Variants in RANBP2 observed in about 807,000 individuals in gnomAD.
RANBP2 encodes E3 SUMO-protein ligase RanBP2.
RANBP2 carries 57 observed loss-of-function variants against 303.6 expected under a neutral mutation model. The observed-to-expected ratio is 0.19, with a 90% CI of 0.15 to 0.23. The LOEUF (loss-of-function observed/expected upper bound fraction) is 0.23, where lower values mean the gene tolerates loss of function less well. Ranked by LOEUF, RANBP2 falls within the 10% of genes least tolerant of loss-of-function variation. The pLI, the probability that RANBP2 is intolerant of heterozygous loss-of-function variation, is 1.00. For missense variants in RANBP2, 3,138 were observed against 3,780.8 expected, an observed-to-expected ratio of 0.83 and a Z score of 4.46; for synonymous variants, 1,167 against 1,301.5, an observed-to-expected ratio of 0.90 and a Z score of 2.23.
At chr2:109,057,057 T>C in the RANBP2 span, among the ~76,000 whole-genome samples, 1 of 152,246 alleles carries the variant, frequency 6.6e-6, no homozygotes, top group South Asian at 2.1e-4. Context: ...GTGTCTTTGA[T>C]ATTACCCAGT....
At chr2:109,387,814 GCCCAATTCCACCTT>G in the RANBP2 span, among the ~76,000 whole-genome samples, 1 of 152,072 alleles carries the variant, frequency 6.6e-6, no homozygotes, top group African/African-American at 2.4e-5. Flanking sequence ...TGCAGTAGGT[GCCCAATTCCACCTT>G]CTTCTTCCAA....
the RANBP2 span, among the ~76,000 whole-genome samples, chr2:109,364,632 T>C: frequency 1.3e-5 from 2 of 152,244 alleles, no homozygotes; most frequent in African/African-American, 2.4e-5. Context: ...AAATGTTCTA[T>C]AGTCCTGGGA....
chr2:109,444,229 G>C, the RANBP2 span, among the ~76,000 whole-genome samples: 1 of 152,162 alleles, frequency 6.6e-6, no homozygotes, highest in Admixed American at 6.5e-5. Flanking sequence ...CAGTGAACTT[G>C]GGAAGCTAAC....
At chr2:108,721,824 G>A (rs186415133) in intron 1 of RANBP2, among the ~76,000 whole-genome samples, 1,928 of 152,130 alleles carry the variant, frequency 0.013, 51 homozygotes, top group African/African-American at 0.045. Flanking sequence ...TCACTGCAGC[G>A]TTGACGTCCT....
intron 17 of RANBP2, among the ~76,000 whole-genome samples, chr2:108,755,737 G>C (rs913126443): frequency 4.6e-5 from 7 of 151,798 alleles, no homozygotes; most frequent in African/African-American, 1.2e-4. Flanking sequence ...GTTTTGTTTT[G>C]TTTTGAGATG....
chr2:109,615,347 G>T, the RANBP2 span: 3 of 1,612,488 alleles, frequency 1.9e-6, no homozygotes, highest in Non-Finnish European at 2.5e-6. Flanking sequence ...TGGAGGGCTT[G>T]CTCACCTGCG....
At chr2:109,388,965 C>G in the RANBP2 span, among the ~76,000 whole-genome samples, 16 of 152,164 alleles carry the variant, frequency 1.1e-4, no homozygotes, top group Non-Finnish European at 1.5e-4. Flanking sequence ...GCAGCCACCA[C>G]GATAGTCTGG....
the RANBP2 span, among the ~76,000 whole-genome samples, chr2:109,181,588 T>C: frequency 6.6e-6 from 1 of 152,186 alleles, no homozygotes; most frequent in African/African-American, 2.4e-5. Context: ...TCCTCTTTAT[T>C]AAAAGTTATG....
chr2:109,613,354 G>C, the RANBP2 span: 2 of 355,304 alleles, frequency 5.6e-6, no homozygotes, highest in African/African-American at 2.1e-5. Flanking sequence ...GATAAAACGG[G>C]AGAGCTTTTG....
At chr2:108,751,107 C>G (rs370044820) in intron 9 of RANBP2, among the ~76,000 whole-genome samples, 157 bp from the exon 10 acceptor site, 374 of 138,576 alleles carry the variant, frequency 2.7e-3, no homozygotes, top group Non-Finnish European at 2.8e-3. Context: ...TTAATAAGAA[C>G]ATGAGATTTT....
the RANBP2 span, among the ~76,000 whole-genome samples, chr2:108,998,819 C>T: frequency 5.3e-5 from 8 of 151,804 alleles, no homozygotes; most frequent in African/African-American, 1.9e-4. Context: ...CAAGTAAACA[C>T]AAAAAATGGC....
At chr2:108,916,248 C>T in the RANBP2 span, among the ~76,000 whole-genome samples, 36 of 152,190 alleles carry the variant, frequency 2.4e-4, no homozygotes, top group Non-Finnish European at 4.6e-4. Flanking sequence ...ACTGTCAGAG[C>T]AAAAGAACAG....
At chr2:109,740,381 G>A in the RANBP2 span, among the ~76,000 whole-genome samples, 1 of 152,078 alleles carries the variant, frequency 6.6e-6, no homozygotes, top group Admixed American at 6.5e-5. Context: ...TATAACATGT[G>A]GAGGCTTCAA....
the RANBP2 span, among the ~76,000 whole-genome samples, chr2:109,317,719 AGTGTGGAGT>A: frequency 2.0e-5 from 3 of 152,210 alleles, no homozygotes. Context: ...CAGTGAGGTC[AGTGTGGAGT>A]GCGAGGGTGC....
At chr2:109,089,682 A>T in the RANBP2 span, among the ~76,000 whole-genome samples, 1 of 152,104 alleles carries the variant, frequency 6.6e-6, no homozygotes, top group Non-Finnish European at 1.5e-5. Flanking sequence ...AAGGAAACAA[A>T]ATGAGGGGTT....
At chr2:109,239,450 T>G in the RANBP2 span, among the ~76,000 whole-genome samples, 24,345 of 152,234 alleles carry the variant, frequency 0.16, 3,829 homozygotes, top group African/African-American at 0.4. Flanking sequence ...CCCTGCTCCT[T>G]GCCTCCAATC....
chr2:109,110,469 G>A, the RANBP2 span, among the ~76,000 whole-genome samples: 1 of 152,150 alleles, frequency 6.6e-6, no homozygotes, highest in Non-Finnish European at 1.5e-5. Context: ...ATATTTGCGA[G>A]CTCCCTTTCA....
chr2:109,040,783 C>T, the RANBP2 span, among the ~76,000 whole-genome samples: 1,039 of 152,264 alleles, frequency 6.8e-3, 6 homozygotes, highest in East Asian at 0.035. Flanking sequence ...AGGCCAGGCG[C>T]GGTGGCCCAC....
At chr2:109,349,038 A>T in the RANBP2 span, among the ~76,000 whole-genome samples, 16 of 151,756 alleles carry the variant, frequency 1.1e-4, no homozygotes, top group Middle Eastern at 3.4e-3. Context: ...TCTCTCTCTC[A>T]CACACACACG....
Sources: allele counts gnomAD v4.1 joint callset (sites outside exome capture counted in the v4.1 genomes callset), GRCh38; gene constraint gnomAD v4.1.1; transcripts MANE v1.5; gene names NCBI Gene and HGNC (gene_info 2026-07-23, HGNC 2026-07-21).